The following OSBPL10 variants were observed in gnomAD, a reference collection of about 807,000 sequenced individuals.
OSBPL10 encodes the protein oxysterol-binding protein-related protein 10.
A neutral mutation model predicts 81.7 loss-of-function variants in OSBPL10; 49 were observed. The observed-to-expected ratio is 0.60, with a 90% CI of 0.48 to 0.76. OSBPL10 has a LOEUF of 0.76. Ranked by LOEUF, OSBPL10 falls within the 30% of genes least tolerant of loss-of-function variation. OSBPL10 has a pLI of 0.00. For missense variants in OSBPL10, 923 were observed against 987.8 expected, an observed-to-expected ratio of 0.93 and a Z score of 0.88; for synonymous variants, 419 against 383.6, an observed-to-expected ratio of 1.09 and a Z score of -1.08.
intron 5 of OSBPL10, 132 bp downstream of exon 5, chr3:31,747,778 T>G (rs984147932): frequency 4.4e-6 from 4 of 915,422 alleles, no homozygotes; most frequent in Non-Finnish European, 6.9e-6. Flanking sequence ...CGAAGGGCAG[T>G]AGAAATACTT....
intron 4 of OSBPL10, among the ~76,000 whole-genome samples, chr3:31,780,625 A>C (rs1559461872): frequency 6.6e-6 from 1 of 152,148 alleles, no homozygotes; most frequent in Admixed American, 6.6e-5. Flanking sequence ...AAAATGAGAG[A>C]TATTATAATC....
At chr3:32,053,874 GA>G (rs1412759879) in intron 1 of OSBPL10, among the ~76,000 whole-genome samples, 2 of 152,100 alleles carry the variant, frequency 1.3e-5, no homozygotes, top group Non-Finnish European at 2.9e-5. Context: ...TGAGGCAAGA[GA>G]ATCACTTGAA....
At chr3:31,984,207 T>A (rs1272905334), upstream of OSBPL10, among the ~76,000 whole-genome samples, 5 of 151,996 alleles carry the variant, frequency 3.3e-5, no homozygotes, top group African/African-American at 1.2e-4. Flanking sequence ...GCCCAGCTAA[T>A]TTTTTTGTAT....
At chr3:31,662,539 T>TA in intron 11 of OSBPL10, 1 of 993,132 alleles carries the variant, frequency 1.0e-6, no homozygotes, top group Non-Finnish European at 1.2e-6. Flanking sequence ...CAGCAGGCAG[T>TA]AGTCACAAAC....
At chr3:31,856,427 T>C (rs937846551) in intron 3 of OSBPL10, among the ~76,000 whole-genome samples, 1 of 152,090 alleles carries the variant, frequency 6.6e-6, no homozygotes, top group Non-Finnish European at 1.5e-5. Flanking sequence ...CTGAGCTTAA[T>C]AAAACATGAA....
intron 3 of OSBPL10, among the ~76,000 whole-genome samples, chr3:31,837,890 A>G (rs1366105513): frequency 1.3e-5 from 2 of 152,206 alleles, no homozygotes; most frequent in Non-Finnish European, 2.9e-5. Flanking sequence ...GAATTGAGAA[A>G]ATGGAAATAC....
chr3:31,766,329 GTTTTT>G (rs148986285), intron 4 of OSBPL10, among the ~76,000 whole-genome samples: 1 of 22,578 alleles, frequency 4.4e-5, no homozygotes, highest in African/African-American at 7.7e-5. Flanking sequence ...TAGTTTTTTT[GTTTTT>G]TTGTTTTTTT....
intron 1 of OSBPL10, among the ~76,000 whole-genome samples, chr3:31,941,369 C>T (rs1443850246): frequency 6.6e-6 from 1 of 152,142 alleles, no homozygotes; most frequent in Non-Finnish European, 1.5e-5. Flanking sequence ...GGAGGGCATC[C>T]TGAGCAAAGG....
At chr3:31,942,800 AAC>A (rs1204929466) in intron 1 of OSBPL10, among the ~76,000 whole-genome samples, 9 of 152,364 alleles carry the variant, frequency 5.9e-5, no homozygotes, top group South Asian at 4.1e-4. Context: ...ACAATTAGCT[AAC>A]ACAGTTTTGA....
At chr3:31,677,172 G>T (rs1418126297) in intron 8 of OSBPL10, among the ~76,000 whole-genome samples, 1 of 152,184 alleles carries the variant, frequency 6.6e-6, no homozygotes, top group African/African-American at 2.4e-5. Context: ...ATATGCGAGG[G>T]AAGGGAAATT....
rs940013181 is a variant in OSBPL10, at chr3:31,712,298, C to T, written c.1096-9790G>A. ...ATTCAACATCTCCCCCTTAGCTATC[C>T]GAGGTGGGCAGGATAGCAGACCCCT... On this transcript the variant is annotated intron_variant, in intron 6 of 11. Transcript: ENST00000396556. Among the ~76,000 whole-genome samples, 13 of 152,282 alleles carry T rather than the reference C, an allele frequency of 8.5e-5. 2 individuals are homozygous for T. The highest frequency in any genetic ancestry group is 5.9e-4 in the Admixed American group (9 of 15,298).
intron 4 of OSBPL10, among the ~76,000 whole-genome samples, chr3:31,819,146 T>C (rs1478637367): frequency 6.6e-6 from 1 of 152,122 alleles, no homozygotes; most frequent in Admixed American, 6.5e-5. Flanking sequence ...AGCTCCCACA[T>C]TAAGGGGTAG....
intron 1 of OSBPL10, among the ~76,000 whole-genome samples, chr3:31,916,096 C>CAAAA: frequency 1.2e-5 from 1 of 82,478 alleles, no homozygotes; most frequent in Non-Finnish European, 2.7e-5. Context: ...AACTCCGTCT[C>CAAAA]AAAAAAAAAA....
intron 4 of OSBPL10, among the ~76,000 whole-genome samples, chr3:31,821,844 C>T (rs933921801): frequency 6.6e-6 from 1 of 152,168 alleles, no homozygotes; most frequent in African/African-American, 2.4e-5. Flanking sequence ...AATTGATCAG[C>T]TAATAAAATT....
intron 3 of OSBPL10, among the ~76,000 whole-genome samples, chr3:31,865,259 A>G (rs144340276): frequency 1.5e-4 from 23 of 152,346 alleles, no homozygotes; most frequent in Non-Finnish European, 2.5e-4. Context: ...GAAATGCTCT[A>G]TATCTGTGCT....
rs186772248 is a variant in OSBPL10 at position 32,050,867 on chromosome 3, G to C, written n.186-4264C>G. On this transcript the variant is annotated intron_variant and non_coding_transcript_variant, in intron 1 of 3. Coordinates refer to the OSBPL10 transcript ENST00000479173. ...GTAGAGATGGGGTTTCTCCATGTTGGTCAGCTGGGCTCGAACTCCCAACCT... is the reference window on the plus strand; with the variant it reads ...GTAGAGATGGGGTTTCTCCATGTTGCTCAGCTGGGCTCGAACTCCCAACCT... 5.5e-4 allele frequency among the ~76,000 whole-genome samples: 84 copies of C among 152,136 alleles called. 2 individuals carry two copies. The highest frequency in any genetic ancestry group is 1.9e-3 in the African/African-American group (77 of 41,510).
chr3:31,827,407 T>C (rs563881061), intron 4 of OSBPL10, among the ~76,000 whole-genome samples: 28 of 152,126 alleles, frequency 1.8e-4, no homozygotes, highest in Admixed American at 4.6e-4. Flanking sequence ...GAGGCTGAGG[T>C]GGGCGGATCA....
At chr3:31,768,749 C>T (rs1279124527) in intron 4 of OSBPL10, among the ~76,000 whole-genome samples, 1 of 152,198 alleles carries the variant, frequency 6.6e-6, no homozygotes, top group Non-Finnish European at 1.5e-5. Flanking sequence ...AACCTACATA[C>T]ACCTCTAAAC....
intron 6 of OSBPL10, among the ~76,000 whole-genome samples, chr3:31,731,928 T>C (rs1017446282): frequency 1.3e-5 from 2 of 152,044 alleles, no homozygotes; most frequent in South Asian, 4.1e-4. Flanking sequence ...GGAACACCTA[T>C]CAGAAAAACA....
Sources: gnomAD v4.1 joint callset for allele counts (sites outside exome capture counted in the v4.1 genomes callset) on GRCh38, gnomAD v4.1.1 for gene constraint, MANE v1.5 for transcripts, NCBI Gene and HGNC (gene_info 2026-07-23, HGNC 2026-07-21) for gene names.